The following ARHGAP15 variants were observed in gnomAD, a reference collection of about 807,000 sequenced individuals.
The protein encoded by ARHGAP15 is Rho GTPase activating protein 15, also known as rho GTPase-activating protein 15.
ARHGAP15 carries 51 observed loss-of-function variants against 63.7 expected under a neutral mutation model. The observed-to-expected ratio is 0.80, with a 90% CI of 0.64 to 1.01. The LOEUF is 1.01. ARHGAP15 is among the 50% of genes least tolerant of loss of function. The pLI, the probability that ARHGAP15 is intolerant of heterozygous loss-of-function variation, is 0.00. For synonymous variants in ARHGAP15, 191 were observed against 193.8 expected, an observed-to-expected ratio of 0.99 and a Z score of 0.12; for missense variants, 560 against 564.6, an observed-to-expected ratio of 0.99 and a Z score of 0.08.
chr2:143,471,788 A>C (rs572203434), intron 8 of ARHGAP15, among the ~76,000 whole-genome samples: 1 of 152,274 alleles, frequency 6.6e-6, no homozygotes, highest in East Asian at 1.9e-4. Flanking sequence ...AAGTGTAACC[A>C]ATCACCTCCA....
intron 1 of ARHGAP15, among the ~76,000 whole-genome samples, chr2:143,144,231 T>G (rs1415718160): frequency 6.6e-6 from 1 of 152,056 alleles, no homozygotes; most frequent in Non-Finnish European, 1.5e-5. Flanking sequence ...AATATACACA[T>G]GCATAAAGGG....
intron 8 of ARHGAP15, among the ~76,000 whole-genome samples, chr2:143,467,977 A>G (rs1254400802): frequency 4.6e-5 from 7 of 152,066 alleles, no homozygotes. Flanking sequence ...ATTTTTTAAC[A>G]ATGATTTGAG....
chr2:143,194,296 C>A (rs16858783), intron 2 of ARHGAP15, among the ~76,000 whole-genome samples: 1 of 152,054 alleles, frequency 6.6e-6, no homozygotes, highest in Non-Finnish European at 1.5e-5. Context: ...TATCCACCTA[C>A]GTTTTCTTAA....
At position 143,323,894 on chromosome 2, in the gene ARHGAP15, C is replaced by CAAAAAAAAAAAAAAAAAAAA. The variant is rs55804357; in HGVS notation, c.474+73304_474+73323dup. On this transcript the variant is annotated intron_variant, in intron 6 of 13. Transcript: ENST00000295095. ...TGGGTGACAGAGCAAGACTCCGTCT[C>CAAAAAAAAAAAAAAAAAAAA]AAAAAAAAAAAAAAAAAAAAAAAAA... 7.6e-5 allele frequency among the ~76,000 whole-genome samples: 2 copies of CAAAAAAAAAAAAAAAAAAAA among 26,170 alleles called. 1 individual carries two copies. The highest frequency in any genetic ancestry group is 1.3e-4 in the Non-Finnish European group (2 of 15,194). The allele number at this position is 26,170 out of a possible 152,430, so 17.2% of individuals were successfully genotyped here.
intron 2 of ARHGAP15, among the ~76,000 whole-genome samples, chr2:143,180,573 A>G (rs1445396600): frequency 6.6e-6 from 1 of 152,264 alleles, no homozygotes; most frequent in African/African-American, 2.4e-5. Flanking sequence ...GACATCTAGA[A>G]TGGTAAATCC....
At chr2:143,350,268 C>T (rs2105311214) in intron 6 of ARHGAP15, among the ~76,000 whole-genome samples, 1 of 152,138 alleles carries the variant, frequency 6.6e-6, no homozygotes, top group East Asian at 1.9e-4. Context: ...TTTTGTGCCT[C>T]CTGTATGTAT....
intron 2 of ARHGAP15, among the ~76,000 whole-genome samples, chr2:143,199,902 AG>A (rs1390964058): frequency 1.3e-5 from 2 of 151,992 alleles, no homozygotes; most frequent in Non-Finnish European, 2.9e-5. Flanking sequence ...GTTTTACGGG[AG>A]GGGTGGGGAG....
intron 9 of ARHGAP15, among the ~76,000 whole-genome samples, chr2:143,501,233 C>T (rs534596846): frequency 3.4e-4 from 52 of 152,344 alleles, no homozygotes; most frequent in African/African-American, 1.2e-3. Flanking sequence ...TGTACCACCT[C>T]ATACATTCAT....
chr2:143,165,011 G>T (rs528393968), intron 2 of ARHGAP15, among the ~76,000 whole-genome samples: 14 of 151,934 alleles, frequency 9.2e-5, no homozygotes, highest in African/African-American at 3.4e-4. Flanking sequence ...AAAATCAAAC[G>T]GAAATAAATC....
rs756483834 is a variant in ARHGAP15, at chr2:143,488,753, A to T, written c.826+1258A>T. Among the ~76,000 whole-genome samples the T allele has an allele frequency of 1.2e-4, 19 of 152,362 alleles. 1 individual carries two copies. Among genetic ancestry groups the T allele is most frequent in the Non-Finnish European group, 2.5e-4 (17 of 68,022 alleles). On this transcript the variant is annotated intron_variant, in intron 9 of 13. Transcript: ENST00000295095. ...CGTCCATTTTGAAACAGGTGAACAG[A>T]TCTGAAAAATTAGCTAGCACTTTGA...
intron 12 of ARHGAP15, among the ~76,000 whole-genome samples, chr2:143,702,801 A>T (rs1351015431): frequency 3.3e-5 from 5 of 152,128 alleles, no homozygotes; most frequent in African/African-American, 9.7e-5. Context: ...CCGTTGTCAC[A>T]TGAGAACTCA....
At chr2:143,586,831 C>T (rs905895747) in intron 11 of ARHGAP15, among the ~76,000 whole-genome samples, 1 of 151,918 alleles carries the variant, frequency 6.6e-6, no homozygotes, top group Non-Finnish European at 1.5e-5. Context: ...TTGAAAAAGG[C>T]CATTTACTCA....
At chr2:143,461,541 A>G (rs1046447565) in intron 8 of ARHGAP15, among the ~76,000 whole-genome samples, 9 of 152,152 alleles carry the variant, frequency 5.9e-5, no homozygotes, top group African/African-American at 2.2e-4. Flanking sequence ...TAGCTTCACC[A>G]CCATTCGAGA....
intron 6 of ARHGAP15, among the ~76,000 whole-genome samples, chr2:143,300,012 A>T (rs1012543292): frequency 1.3e-5 from 2 of 152,098 alleles, no homozygotes; most frequent in African/African-American, 4.8e-5. Flanking sequence ...AGGCAGCAAG[A>T]TACTTACCTC....
chr2:143,657,326 AAC>A (rs1284179792), intron 12 of ARHGAP15, among the ~76,000 whole-genome samples: 20 of 152,292 alleles, frequency 1.3e-4, no homozygotes, highest in Non-Finnish European at 1.5e-5. Context: ...CAGCCTGGGC[AAC>A]AGAGTGAGGC....
chr2:143,201,171 G>A (rs893911113), intron 2 of ARHGAP15, among the ~76,000 whole-genome samples: 1 of 150,752 alleles, frequency 6.6e-6, no homozygotes, highest in African/African-American at 2.4e-5. Flanking sequence ...GTGCAGTTGT[G>A]TGATCATAGC....
chr2:143,480,135 C>T (rs185260934), intron 8 of ARHGAP15, among the ~76,000 whole-genome samples: 41 of 152,092 alleles, frequency 2.7e-4, no homozygotes, highest in African/African-American at 3.4e-4. Context: ...AGATGTATTA[C>T]GAGCAAAATA....
chr2:143,621,999 GTTGTGTGTGTGTGTGTGTGT>G (rs1192192954), intron 11 of ARHGAP15, among the ~76,000 whole-genome samples: 1 of 150,896 alleles, frequency 6.6e-6, no homozygotes, highest in Non-Finnish European at 1.5e-5. Flanking sequence ...GGTAGAGATA[GTTGTGTGTGTGTGTGTGTGT>G]TTGTGTGTGT....
chr2:143,455,518 G>A (rs943476916), intron 8 of ARHGAP15, among the ~76,000 whole-genome samples: 25 of 152,064 alleles, frequency 1.6e-4, no homozygotes, highest in African/African-American at 6.0e-4. Flanking sequence ...TTACCCAGCC[G>A]CTATTCAAGA....
Sources: gnomAD v4.1 joint callset for allele counts (sites outside exome capture counted in the v4.1 genomes callset) on GRCh38, gnomAD v4.1.1 for gene constraint, MANE v1.5 for transcripts, NCBI Gene and HGNC (gene_info 2026-07-23, HGNC 2026-07-21) for gene names.